STMN4: variants seen among roughly 807,000 people sequenced by gnomAD.
STMN4 encodes stathmin-4.
A neutral mutation model predicts 29.1 loss-of-function variants in STMN4; 12 were observed. The observed-to-expected ratio is 0.41, with a 90% CI of 0.26 to 0.67. The LOEUF (loss-of-function observed/expected upper bound fraction) is 0.67, where lower values mean the gene tolerates loss of function less well. Ranked by LOEUF, STMN4 falls within the 30% of genes least tolerant of loss-of-function variation. STMN4 has a pLI of 0.30. For missense variants in STMN4, 181 were observed against 262.8 expected, an observed-to-expected ratio of 0.69 and a Z score of 2.15; for synonymous variants, 114 against 105.3, an observed-to-expected ratio of 1.08 and a Z score of -0.51.
chr8:27,251,589 C>A (rs1405036748), intron 1 of STMN4, among the ~76,000 whole-genome samples: 3 of 151,792 alleles, frequency 2.0e-5, no homozygotes, highest in African/African-American at 7.2e-5. Flanking sequence ...ATAAATAATG[C>A]TTTAATTACA....
intron 3 of STMN4, chr8:27,242,146 T>C (rs771627113): frequency 1.2e-5 from 7 of 576,086 alleles, no homozygotes; most frequent in East Asian, 2.9e-5. Context: ...GCTGGATGCA[T>C]GCACAGAGGT....
chr8:27,258,039 T>C (rs559255440), intron 1 of STMN4, among the ~76,000 whole-genome samples: 1 of 152,218 alleles, frequency 6.6e-6, no homozygotes, highest in East Asian at 1.9e-4. Context: ...GCACAAAACC[T>C]TTCTCCTTAA....
chr8:27,248,568 G>C (rs1801695448), intron 1 of STMN4, among the ~76,000 whole-genome samples: 4 of 152,194 alleles, frequency 2.6e-5, no homozygotes, highest in Admixed American at 2.6e-4. Flanking sequence ...TTTTGAATGA[G>C]GGGAGAAGAG....
chr8:27,241,646 C>T (rs1245734634), intron 4 of STMN4, 31 bp downstream of exon 4: 2 of 1,613,630 alleles, frequency 1.2e-6, no homozygotes, highest in Non-Finnish European at 1.7e-6. Flanking sequence ...GACGCTCGGC[C>T]TGCGGAATCC....
chr8:27,240,046 C>T lies in STMN4; in HGVS notation c.516G>A (p.Leu172=), dbSNP rs749070505. Residue 172 remains leucine, a synonymous_variant, in exon 6 of 7, where the codon CTG becomes CTA. Transcript: ENST00000350889. The part of the protein sequence containing the change: ...NNFIKMAKEK[L]AQKMESNKEN... The stretch of plus-strand genomic sequence containing the variant: ...CCTTGTTGGATTCCATCTTCTGGGC[C>T]AGTTTTTCCTTAGCCATCTTGATGA... The T allele has an allele frequency of 6.2e-7, 1 of 1,614,200 alleles. No individual in the cohort carries two copies. Among genetic ancestry groups the T allele is most frequent in the South Asian group, 1.1e-5 (1 of 91,082 alleles).
chr8:27,254,600 G>A (rs141179416), intron 1 of STMN4, among the ~76,000 whole-genome samples: 1 of 152,212 alleles, frequency 6.6e-6, no homozygotes, highest in Non-Finnish European at 1.5e-5. Context: ...GCCTATGTGT[G>A]TGTAGGGGAT....
chr8:27,251,959 C>A (rs56298508), intron 1 of STMN4, among the ~76,000 whole-genome samples: 12 of 151,370 alleles, frequency 7.9e-5, no homozygotes, highest in East Asian at 1.9e-4. Context: ...ATCCCTCCCC[C>A]CTTCCCCCAT....
chr8:27,253,937 C>T (rs1332560372), intron 1 of STMN4, among the ~76,000 whole-genome samples: 1 of 152,134 alleles, frequency 6.6e-6, no homozygotes, highest in African/African-American at 2.4e-5. Context: ...CGTGCACCAC[C>T]ATGCCCAGCT....
At chr8:27,241,364 A>T in intron 4 of STMN4, 102 bp from the exon 5 acceptor site, 2 of 1,379,728 alleles carry the variant, frequency 1.4e-6, no homozygotes, top group Admixed American at 3.6e-5. Context: ...TGGGGCCCCA[A>T]GCAAGCTGGA....
intron 6 of STMN4, 76 bp from the exon 7 acceptor site, chr8:27,236,981 G>A: frequency 1.3e-6 from 2 of 1,503,348 alleles, no homozygotes; most frequent in Non-Finnish European, 1.8e-6. Context: ...AGGGGCAAGA[G>A]AACCAAAAGC....
chr8:27,238,109 G>C (rs1453589258), intron 6 of STMN4, among the ~76,000 whole-genome samples: 1 of 152,172 alleles, frequency 6.6e-6, no homozygotes. Context: ...GTGTGCACAG[G>C]GCAGGGGTTC....
At chr8:27,253,928 G>A (rs757243249) in intron 1 of STMN4, among the ~76,000 whole-genome samples, 8 of 151,982 alleles carry the variant, frequency 5.3e-5, no homozygotes, top group Non-Finnish European at 7.4e-5. Flanking sequence ...AATTACATGC[G>A]TGCACCACCA....
intron 1 of STMN4, among the ~76,000 whole-genome samples, chr8:27,247,254 C>CAA (rs150260843): frequency 0.06 from 6,504 of 107,716 alleles, 522 homozygotes; most frequent in African/African-American, 0.17. Flanking sequence ...GACTTTGTCT[C>CAA]AAAAAAAAAA....
At chr8:27,239,569 A>G in intron 6 of STMN4, 1 of 865,800 alleles carries the variant, frequency 1.2e-6, no homozygotes, top group Non-Finnish European at 1.7e-6. Flanking sequence ...CATACCCGTG[A>G]CTTAGAGCCA....
At chr8:27,256,522 T>C (rs572548088) in intron 1 of STMN4, among the ~76,000 whole-genome samples, 28 of 152,322 alleles carry the variant, frequency 1.8e-4, no homozygotes, top group African/African-American at 6.5e-4. Flanking sequence ...TTTTATATTA[T>C]GATCCAGTAT....
chr8:27,250,123 A>G (rs575090686), intron 1 of STMN4, among the ~76,000 whole-genome samples: 3 of 152,252 alleles, frequency 2.0e-5, no homozygotes, highest in South Asian at 4.1e-4. Flanking sequence ...TCTGTGCCCT[A>G]TTGCCAATCT....
chr8:27,243,564 C>T (rs922927775), intron 2 of STMN4, 147 bp downstream of exon 2: 2 of 808,248 alleles, frequency 2.5e-6, no homozygotes, highest in Non-Finnish European at 4.2e-6. Context: ...TGCCTGCATG[C>T]CCCCAAGCCT....
intron 1 of STMN4, among the ~76,000 whole-genome samples, chr8:27,247,981 A>G (rs921321508): frequency 2.6e-5 from 4 of 152,318 alleles, no homozygotes; most frequent in African/African-American, 9.6e-5. Flanking sequence ...CATTGCATCC[A>G]GCAGCAACAA....
chr8:27,236,925 A>G lies in STMN4; in HGVS notation c.592-20T>C, dbSNP rs781516943. The stretch of plus-strand genomic sequence containing the variant: ...CTTGTCCTGGAAAGGAAGGGAGGGA[A>G]AAGGGCAGGTCACACAAGGCTGCCC... On this transcript the variant is annotated intron_variant, in intron 6 of 6. Transcript: ENST00000350889. 1 of 1,604,454 alleles carries G rather than the reference A, an allele frequency of 6.2e-7. No homozygotes were observed. The highest frequency in any genetic ancestry group is 1.7e-5 in the Admixed American group (1 of 58,422).
Sources: allele counts gnomAD v4.1 joint callset (sites outside exome capture counted in the v4.1 genomes callset), GRCh38; gene constraint gnomAD v4.1.1; transcripts MANE v1.5; gene names NCBI Gene and HGNC (gene_info 2026-07-23, HGNC 2026-07-21).